Variants in ATXN7L1 observed in about 807,000 individuals in gnomAD.
ATXN7L1 encodes the protein ataxin 7 like 1, also known as ataxin-7-like protein 1.
Under a neutral mutation model 70.8 loss-of-function variants are expected in ATXN7L1, and 15 were observed. The ratio of observed to expected loss-of-function variants is 0.21; its 90% CI spans 0.14 to 0.33. The LOEUF is 0.33. Among genes scored for constraint, ATXN7L1 ranks in the 10% least tolerant of loss-of-function variants. The pLI, the probability that ATXN7L1 is intolerant of heterozygous loss-of-function variation, is 1.00. For synonymous variants in ATXN7L1, 440 were observed against 445.1 expected (o/e 0.99, Z 0.14); for missense variants, 975 against 1,097.1 (o/e 0.89, Z 1.57).
chr7:105,642,808 G>T, intron 5 of ATXN7L1, 30 bp downstream of exon 5: 2 of 1,535,120 alleles, frequency 1.3e-6, no homozygotes, highest in South Asian at 1.2e-5. Context: ...GTCTAATCAT[G>T]AGTCAGACCC....
At position 105,614,891 on chromosome 7, in the gene ATXN7L1, T is replaced by C. The variant is rs979223529; in HGVS notation, c.1518-75A>G. The C allele has an allele frequency of 6.8e-7, 1 of 1,481,434 alleles. No individual in the cohort carries two copies. Among genetic ancestry groups the C allele is most frequent in the Non-Finnish European group, 9.0e-7 (1 of 1,107,466 alleles). The allele number at this position is 1,481,434 out of a possible 1,614,324, so 91.8% of individuals were successfully genotyped here. ...ATTGCTCAGGAGGCTCGATGACGTTTGAGGATCAGGGCTACAGAGGACACC... is the reference window on the plus strand; with the variant it reads ...ATTGCTCAGGAGGCTCGATGACGTTCGAGGATCAGGGCTACAGAGGACACC... On this transcript the variant is annotated intron_variant, in intron 9 of 11. Transcript: ENST00000419735. This position sits in a 1 kb window ranked among gnomAD's most constrained non-coding sequence, Gnocchi z 4.3.
chr7:105,652,513 G>A (rs1485596556), intron 4 of ATXN7L1, among the ~76,000 whole-genome samples: 4 of 152,158 alleles, frequency 2.6e-5, no homozygotes, highest in East Asian at 1.9e-4. Flanking sequence ...AGCAACAAGC[G>A]GGAGCACTCC....
rs1491537780 is a variant in ATXN7L1 at position 105,605,486 on chromosome 7, G to GGGT, written c.*2365_*2366insACC. On this transcript the variant is annotated 3_prime_UTR_variant, in exon 12 of 12. Coordinates refer to ENST00000419735, the MANE Select transcript of ATXN7L1 (RefSeq NM_020725.2). ...GCATTCGATGAGGGTGGGGGGGGGG[G>GGGT]TGGGGGCTCTTTATTCCAGCTTCCA... 4 of 47,086 alleles carry GGGT rather than the reference G, an allele frequency of 8.5e-5. No individual in the cohort carries two copies. Among genetic ancestry groups the GGGT allele is most frequent in the African/African-American group, 3.1e-4 (4 of 12,932 alleles). The allele number at this position is 47,086 out of a possible 1,614,324, so 2.9% of individuals were successfully genotyped here. A position where few individuals can be genotyped will look rare whatever the true frequency, so the allele number is the denominator to read the frequency against.
At chr7:105,777,892 T>C (rs2851415) in intron 3 of ATXN7L1, among the ~76,000 whole-genome samples, 93,211 of 152,092 alleles carry the variant, frequency 0.61, 30,462 homozygotes, top group African/African-American at 0.83. Flanking sequence ...AGCCCTCAAA[T>C]GTGCCTTGTT....
intron 2 of ATXN7L1, among the ~76,000 whole-genome samples, chr7:105,801,174 A>G (rs752231347): frequency 3.9e-5 from 6 of 152,210 alleles, no homozygotes; most frequent in Non-Finnish European, 8.8e-5. Context: ...GCATGGTGGG[A>G]TTTAAAAAAA....
At chr7:105,796,440 C>G (rs776638667) in intron 2 of ATXN7L1, among the ~76,000 whole-genome samples, 17 of 152,294 alleles carry the variant, frequency 1.1e-4, no homozygotes, top group Non-Finnish European at 2.5e-4. Context: ...GTAGGACCTA[C>G]GGATGTGACA....
intron 3 of ATXN7L1, among the ~76,000 whole-genome samples, chr7:105,757,084 C>T (rs764811946): frequency 3.3e-5 from 5 of 152,066 alleles, no homozygotes; most frequent in East Asian, 1.9e-4. Context: ...TGTACAGTCA[C>T]GAAAGGGGCC....
At chr7:105,645,132 CTGTAT>C (rs1164676625) in intron 4 of ATXN7L1, among the ~76,000 whole-genome samples, 1 of 151,750 alleles carries the variant, frequency 6.6e-6, no homozygotes, top group Admixed American at 6.6e-5. Flanking sequence ...CGTTGAACAA[CTGTAT>C]AGAGTTTCAG....
intron 2 of ATXN7L1, among the ~76,000 whole-genome samples, chr7:105,822,980 C>A (rs573595026): frequency 5.3e-5 from 8 of 152,236 alleles, no homozygotes; most frequent in African/African-American, 1.9e-4. Flanking sequence ...TGGGTTCCAG[C>A]TCCAAAAATT....
In ATXN7L1 at chr7:105,609,232, C is replaced by T. The variant is rs886881258; in HGVS notation, c.2547+1297G>A. ...TTGCCCAGGCTGGAGTGCAATGGTGCGATCTTGGCTCACTGCAACCTCCAT... is the reference window on the plus strand; with the variant it reads ...TTGCCCAGGCTGGAGTGCAATGGTGTGATCTTGGCTCACTGCAACCTCCAT... On this transcript the variant is annotated intron_variant, in intron 11 of 11. Coordinates refer to ENST00000419735, the MANE Select transcript of ATXN7L1 (RefSeq NM_020725.2). Among the ~76,000 whole-genome samples the T allele has an allele frequency of 4.0e-5, 6 of 148,662 alleles. No homozygotes were observed. The East Asian group carries it at 6.1e-4, about 15-fold the overall frequency.
intron 3 of ATXN7L1, among the ~76,000 whole-genome samples, chr7:105,757,565 TCTAC>T (rs1799957280): frequency 6.7e-6 from 1 of 148,266 alleles, no homozygotes; most frequent in Admixed American, 6.8e-5. Flanking sequence ...ACCATCCTAG[TCTAC>T]CTTTCTGTAT....
chr7:105,696,052 G>T (rs771941526), intron 3 of ATXN7L1, among the ~76,000 whole-genome samples: 1 of 152,196 alleles, frequency 6.6e-6, no homozygotes, highest in African/African-American at 2.4e-5. Flanking sequence ...GTTACAGAAC[G>T]TTCTGCCACG....
chr7:105,853,371 G>A (rs1438188246), intron 2 of ATXN7L1, among the ~76,000 whole-genome samples: 1 of 152,124 alleles, frequency 6.6e-6, no homozygotes, highest in South Asian at 2.1e-4. Context: ...TGGCCAACAT[G>A]GTGAAACCCC....
chr7:105,790,139 T>C (rs1162883069), intron 2 of ATXN7L1, among the ~76,000 whole-genome samples: 2 of 152,130 alleles, frequency 1.3e-5, no homozygotes, highest in East Asian at 3.8e-4. Context: ...GTGCTTGCCT[T>C]GGGTTGGGGG....
intron 3 of ATXN7L1, among the ~76,000 whole-genome samples, chr7:105,726,050 T>C (rs531995953): frequency 4.7e-5 from 7 of 149,226 alleles, no homozygotes; most frequent in African/African-American, 1.7e-4. Flanking sequence ...TACAGGCATG[T>C]ACCACCACAC....
chr7:105,702,914 C>A (rs1305027671), intron 3 of ATXN7L1, among the ~76,000 whole-genome samples: 1 of 151,966 alleles, frequency 6.6e-6, no homozygotes, highest in African/African-American at 2.4e-5. Flanking sequence ...GTCAGGAGAT[C>A]GAGACCATCC....
chr7:105,644,103 C>T (rs1798650629), intron 4 of ATXN7L1, among the ~76,000 whole-genome samples: 1 of 152,152 alleles, frequency 6.6e-6, no homozygotes, highest in African/African-American at 2.4e-5. Context: ...TATTTGAATG[C>T]CAAATGATCT....
chr7:105,724,440 G>A (rs1316687414), intron 3 of ATXN7L1, among the ~76,000 whole-genome samples: 4 of 151,732 alleles, frequency 2.6e-5, no homozygotes, highest in Non-Finnish European at 4.4e-5. Context: ...TGGGTGTGGT[G>A]GTGCATGCCT....
chr7:105,675,568 T>G (rs1680790540), intron 3 of ATXN7L1, among the ~76,000 whole-genome samples: 1 of 151,694 alleles, frequency 6.6e-6, no homozygotes. Flanking sequence ...GAGGTTGCAG[T>G]GACCTGAGAT....
Sources: allele counts gnomAD v4.1 joint callset (sites outside exome capture counted in the v4.1 genomes callset), GRCh38; gene constraint gnomAD v4.1.1; non-coding constraint Gnocchi (gnomAD v3.1); transcripts MANE v1.5; gene names NCBI Gene and HGNC (gene_info 2026-07-23, HGNC 2026-07-21).